The following ZNF140 variants were observed in gnomAD, a reference collection of about 807,000 sequenced individuals.
ZNF140 encodes the protein zinc finger protein 140, also known as zinc finger protein 140 (clone pHZ-39).
A neutral mutation model predicts 12.9 loss-of-function variants in ZNF140; 13 were observed. That is an observed-to-expected ratio of 1.01 (90% confidence interval 0.66 to 1.60). The LOEUF is 1.60. Among genes scored for constraint, ZNF140 ranks in the 40% most tolerant of loss-of-function variants. ZNF140 has a pLI of 0.00. For missense variants in ZNF140, 531 were observed against 548.8 expected (o/e 0.97, Z 0.32); for synonymous variants, 214 against 186.7 (o/e 1.15, Z -1.19).
intron 4 of ZNF140, among the ~76,000 whole-genome samples, chr12:133,102,680 C>T (rs887853169): frequency 2.0e-5 from 3 of 150,274 alleles, no homozygotes; most frequent in Non-Finnish European, 2.9e-5. Context: ...ACCTGGGAGG[C>T]GGCGGTTGCA....
intron 4 of ZNF140, among the ~76,000 whole-genome samples, chr12:133,095,590 A>G (rs1010572607): frequency 1.3e-5 from 2 of 151,574 alleles, no homozygotes; most frequent in Non-Finnish European, 2.9e-5. Flanking sequence ...GGCCCAGGGG[A>G]CCGGCATCAG....
intron 4 of ZNF140, among the ~76,000 whole-genome samples, chr12:133,091,050 T>C (rs1954857756): frequency 2.0e-5 from 3 of 148,948 alleles, no homozygotes; most frequent in South Asian, 2.2e-4. Context: ...ACAGTGGCCT[T>C]CCTCTATCTC....
chr12:133,080,887 A>T (rs901996744), upstream of ZNF140: 1 of 152,516 alleles, frequency 6.6e-6, no homozygotes, highest in Admixed American at 6.5e-5. Context: ...AATTCCTGCG[A>T]CGCCCGCGGA....
chr12:133,081,571 C>T (rs1954504433), intron 2 of ZNF140: 1 of 455,492 alleles, frequency 2.2e-6, no homozygotes, highest in African/African-American at 2.0e-5. Flanking sequence ...AACCACCTGC[C>T]TGGCAGAACC....
chr12:133,104,354 ATT>A (rs34193332), intron 4 of ZNF140, among the ~76,000 whole-genome samples: 2 of 144,300 alleles, frequency 1.4e-5, no homozygotes, highest in Non-Finnish European at 3.0e-5. Context: ...TAAAGATACA[ATT>A]TTTTTTTTTT....
chr12:133,106,456 C>A lies in ZNF140; in HGVS notation c.1179C>A (p.Ala393=), dbSNP rs1211155315. The A allele has an allele frequency of 6.2e-7, 1 of 1,613,850 alleles. No homozygotes were observed. The highest frequency in any genetic ancestry group is 1.7e-5 in the Admixed American group (1 of 59,994). Residue 393 remains alanine, a synonymous_variant, in exon 5 of 5, where the codon GCC becomes GCA. Coordinates refer to ENST00000355557, the MANE Select transcript of ZNF140 (RefSeq NM_003440.4). ...ATGCGTGTGCTGAATGTGATAAAGC[C>A]TTCAGCCGGAGCTTTTCCCTCATTC... ...KPYACAECDK[A]FSRSFSLILH...
rs1290714519 is a variant in ZNF140, at chr12:133,081,356, TATATATATATATATAA to T, written c.9+30_9+45del. ...TAAGCTAATGATTGATAAATATATA[TATATATATATATATAA>T]ATTTTTATTTTTTTTTTAAGAGAGA... On this transcript the variant is annotated intron_variant, in intron 2 of 4. Coordinates refer to ENST00000355557, the MANE Select transcript of ZNF140 (RefSeq NM_003440.4). The T allele has an allele frequency of 4.2e-5, 11 of 259,586 alleles. 3 individuals carry two copies. The highest frequency in any genetic ancestry group is 8.2e-5 in the African/African-American group (3 of 36,378). The allele number at this position is 259,586 out of a possible 1,614,324, so 16.1% of individuals were successfully genotyped here. A position where few individuals can be genotyped will look rare whatever the true frequency, so the allele number is the denominator to read the frequency against.
intron 4 of ZNF140, among the ~76,000 whole-genome samples, chr12:133,100,552 T>C (rs908312386): frequency 1.9e-4 from 29 of 152,340 alleles, no homozygotes; most frequent in African/African-American, 7.0e-4. Flanking sequence ...CGAAACTAGC[T>C]GAGTTGCTTT....
At chr12:133,086,900 C>G (rs1249243048) in intron 4 of ZNF140, among the ~76,000 whole-genome samples, 2 of 152,196 alleles carry the variant, frequency 1.3e-5, no homozygotes, top group East Asian at 3.8e-4. Context: ...AACCATTTTC[C>G]TCACTGTTTT....
chr12:133,084,704 G>C (rs1449936182), intron 4 of ZNF140, among the ~76,000 whole-genome samples: 5 of 152,216 alleles, frequency 3.3e-5, no homozygotes, highest in African/African-American at 1.2e-4. Flanking sequence ...AGAGAGAAAA[G>C]GAGGAATGCG....
intron 4 of ZNF140, among the ~76,000 whole-genome samples, chr12:133,095,348 A>G (rs1955032004): frequency 6.6e-6 from 1 of 150,948 alleles, no homozygotes; most frequent in Non-Finnish European, 1.5e-5. Flanking sequence ...GATTCCTCCG[A>G]GCGCACAAGC....
intron 4 of ZNF140, among the ~76,000 whole-genome samples, chr12:133,090,835 A>G (rs1954840664): frequency 7.8e-6 from 1 of 128,934 alleles, no homozygotes; most frequent in Non-Finnish European, 1.7e-5. Context: ...GTTTAAGGGA[A>G]GGTACTATGC....
Position 133,106,570 on chromosome 12 carries a change from T to G in ZNF140, c.1293T>G (p.His431Gln). The change falls in exon 5 of 5, where the codon CAT (histidine) becomes CAG (glutamine). Residue 431 changes from histidine (H) to glutamine (Q), a missense_variant. Coordinates refer to ENST00000355557, the MANE Select transcript of ZNF140 (RefSeq NM_003440.4). The stretch of plus-strand genomic sequence containing the variant: ...GCTGGAGCTCAAACCTTGCTAAACA[T>G]CAGAGGACACACACTCTTGACAACC... ...SFSWSSNLAK[H>Q]QRTHTLDNPY... is the part of the protein sequence containing the mutation. 6.2e-7 allele frequency: 1 copy of G among 1,613,852 alleles called. No homozygotes were observed. The highest frequency in any genetic ancestry group is 8.5e-7 in the Non-Finnish European group (1 of 1,179,992).
chr12:133,086,725 T>G (rs1328939271), intron 4 of ZNF140, among the ~76,000 whole-genome samples: 1 of 152,196 alleles, frequency 6.6e-6, no homozygotes, highest in African/African-American at 2.4e-5. Flanking sequence ...TCCTAAGAGA[T>G]TATGATGAAG....
chr12:133,094,522 A>AT (rs1310816369), intron 4 of ZNF140, among the ~76,000 whole-genome samples: 4 of 151,182 alleles, frequency 2.6e-5, no homozygotes, highest in South Asian at 2.1e-4. Flanking sequence ...CATCTGCCTG[A>AT]TTTTTTCTGA....
At chr12:133,083,297 G>C (rs1477147275) in intron 3 of ZNF140, 68 bp downstream of exon 3, 1 of 1,561,002 alleles carries the variant, frequency 6.4e-7, no homozygotes, top group Non-Finnish European at 8.7e-7. Context: ...TAATTATCTG[G>C]CTGAATATTC....
chr12:133,086,194 G>A (rs1374950043), intron 4 of ZNF140, among the ~76,000 whole-genome samples: 1 of 152,162 alleles, frequency 6.6e-6, no homozygotes, highest in East Asian at 1.9e-4. Flanking sequence ...ATTGGCACAA[G>A]TTTCTCTGTG....
intron 4 of ZNF140, among the ~76,000 whole-genome samples, chr12:133,099,924 G>A (rs1955274169): frequency 6.6e-6 from 1 of 151,306 alleles, no homozygotes; most frequent in South Asian, 2.1e-4. Flanking sequence ...CAGAATTGTG[G>A]GCTTGAGAGT....
intron 4 of ZNF140, among the ~76,000 whole-genome samples, chr12:133,095,771 G>A (rs751982051): frequency 1.9e-4 from 29 of 151,090 alleles, no homozygotes; most frequent in South Asian, 1.2e-3. Flanking sequence ...TTTAAGGGAA[G>A]GTACTATGCC....
Sources: gnomAD v4.1 joint callset for allele counts (sites outside exome capture counted in the v4.1 genomes callset) on GRCh38, gnomAD v4.1.1 for gene constraint, MANE v1.5 for transcripts, NCBI Gene and HGNC (gene_info 2026-07-23, HGNC 2026-07-21) for gene names.